SLC24A2: variants seen among roughly 807,000 people sequenced by gnomAD.
SLC24A2 encodes sodium/potassium/calcium exchanger 2.
A neutral mutation model predicts 62.0 loss-of-function variants in SLC24A2; 36 were observed. The observed-to-expected ratio is 0.58, with a 90% CI of 0.44 to 0.77. The LOEUF is 0.77. Among genes scored for constraint, SLC24A2 ranks in the 30% least tolerant of loss-of-function variants. SLC24A2 has a pLI of 0.00. For missense variants in SLC24A2, 846 were observed against 817.9 expected (o/e 1.03, Z -0.42); for synonymous variants, 358 against 294.0 (o/e 1.22, Z -2.23).
chr9:20,289,464 G>C, the SLC24A2 span, among the ~76,000 whole-genome samples: 2 of 152,170 alleles, frequency 1.3e-5, no homozygotes, highest in Admixed American at 6.5e-5. Context: ...GTGCAGTTTT[G>C]AATGCCGGCT....
the SLC24A2 span, among the ~76,000 whole-genome samples, chr9:20,036,326 G>A: frequency 1.3e-5 from 2 of 152,042 alleles, no homozygotes; most frequent in Non-Finnish European, 2.9e-5. Context: ...GACACTTGTT[G>A]TAATGGGAAC....
At chr9:19,912,550 T>C in the SLC24A2 span, among the ~76,000 whole-genome samples, 1 of 152,130 alleles carries the variant, frequency 6.6e-6, no homozygotes, top group African/African-American at 2.4e-5. Flanking sequence ...CAATTCTATC[T>C]TTTTTCTACT....
chr9:19,898,020 T>C, the SLC24A2 span, among the ~76,000 whole-genome samples: 319 of 152,246 alleles, frequency 2.1e-3, no homozygotes, highest in Middle Eastern at 6.8e-3. Context: ...AGCAGAGGAA[T>C]TGGATTTTAC....
chr9:19,540,440 T>G (rs943753557), intron 8 of SLC24A2, among the ~76,000 whole-genome samples: 2 of 150,626 alleles, frequency 1.3e-5, no homozygotes, highest in African/African-American at 2.5e-5. Context: ...GTCTATAAAG[T>G]ATTTTATTTC....
At chr9:20,265,688 G>T in the SLC24A2 span, among the ~76,000 whole-genome samples, 2 of 152,158 alleles carry the variant, frequency 1.3e-5, no homozygotes, top group Non-Finnish European at 1.5e-5. Context: ...CTTCAAAAAA[G>T]AACAGGGTAA....
chr9:19,960,889 T>A, the SLC24A2 span, among the ~76,000 whole-genome samples: 1 of 152,170 alleles, frequency 6.6e-6, no homozygotes. Flanking sequence ...AAGTGCTCAA[T>A]AAATTATTGG....
At chr9:20,084,368 T>G in the SLC24A2 span, among the ~76,000 whole-genome samples, 1 of 152,184 alleles carries the variant, frequency 6.6e-6, no homozygotes, top group South Asian at 2.1e-4. Context: ...CGACCTGATG[T>G]CAGCTTGGGA....
the SLC24A2 span, among the ~76,000 whole-genome samples, chr9:20,279,248 C>T: frequency 1.3e-5 from 2 of 152,092 alleles, no homozygotes; most frequent in African/African-American, 2.4e-5. Flanking sequence ...TATTTAAAAC[C>T]GGCCAGACAT....
intron 7 of SLC24A2, among the ~76,000 whole-genome samples, chr9:19,557,697 C>T (rs151235565): frequency 2.9e-4 from 44 of 151,942 alleles, no homozygotes; most frequent in Middle Eastern, 3.4e-3. Context: ...ATTCATCCAT[C>T]GTGCAGCCTG....
the SLC24A2 span, among the ~76,000 whole-genome samples, chr9:19,971,879 T>C: frequency 1.3e-5 from 2 of 152,196 alleles, no homozygotes; most frequent in Non-Finnish European, 2.9e-5. Flanking sequence ...ATAACAACCC[T>C]ATAAGGCAGG....
the SLC24A2 span, among the ~76,000 whole-genome samples, chr9:20,147,150 C>A: frequency 2.0e-5 from 3 of 152,288 alleles, no homozygotes; most frequent in South Asian, 6.2e-4. Flanking sequence ...ATCACGAACT[C>A]ACCACAAATG....
chr9:19,907,504 G>T, the SLC24A2 span, among the ~76,000 whole-genome samples: 8 of 152,240 alleles, frequency 5.3e-5, no homozygotes, highest in Non-Finnish European at 1.0e-4. Flanking sequence ...AGGAAATAAA[G>T]GTTATTCAAG....
At chr9:19,520,808 G>GA (rs1247785658) in intron 10 of SLC24A2, 86 bp downstream of exon 10, 29 of 1,299,090 alleles carry the variant, frequency 2.2e-5, no homozygotes, top group Middle Eastern at 2.1e-4. Flanking sequence ...TAGGTTCAGA[G>GA]ATCCTGGTCA....
chr9:19,622,705 A>C (rs1475506817), intron 2 of SLC24A2, among the ~76,000 whole-genome samples: 1 of 152,378 alleles, frequency 6.6e-6, no homozygotes, highest in South Asian at 2.1e-4. Flanking sequence ...CATTTCATAA[A>C]GGAAAATAAT....
At chr9:20,031,420 C>A in the SLC24A2 span, among the ~76,000 whole-genome samples, 2 of 147,474 alleles carry the variant, frequency 1.4e-5, no homozygotes, top group Non-Finnish European at 3.0e-5. Flanking sequence ...CATATGTGCA[C>A]ACACACACTT....
the SLC24A2 span, among the ~76,000 whole-genome samples, chr9:20,303,274 C>G: frequency 6.6e-6 from 1 of 152,150 alleles, no homozygotes; most frequent in African/African-American, 2.4e-5. Context: ...AAGGGTACAT[C>G]CCTCCTCCCA....
chr9:19,801,446 G>A, the SLC24A2 span, among the ~76,000 whole-genome samples: 1 of 152,208 alleles, frequency 6.6e-6, no homozygotes, highest in African/African-American at 2.4e-5. Flanking sequence ...GGTGGACGGT[G>A]AGCAAAAGCT....
the SLC24A2 span, among the ~76,000 whole-genome samples, chr9:19,905,769 C>T: frequency 6.6e-6 from 1 of 152,100 alleles, no homozygotes; most frequent in Non-Finnish European, 1.5e-5. Flanking sequence ...GGTTTAGTTC[C>T]TGAGGATCTG....
chr9:19,610,491 C>T (rs1000945917), intron 4 of SLC24A2, among the ~76,000 whole-genome samples: 7 of 151,870 alleles, frequency 4.6e-5, no homozygotes, highest in East Asian at 3.9e-4. Flanking sequence ...TGAAAGGAAA[C>T]GAGAGAAGAA....
Sources: allele counts gnomAD v4.1 joint callset (sites outside exome capture counted in the v4.1 genomes callset), GRCh38; gene constraint gnomAD v4.1.1; transcripts MANE v1.5; gene names NCBI Gene and HGNC (gene_info 2026-07-23, HGNC 2026-07-21).